Variants in SCAPER observed in about 807,000 individuals in gnomAD.
SCAPER encodes S phase cyclin A-associated protein in the endoplasmic reticulum.
Under a neutral mutation model 182.2 loss-of-function variants are expected in SCAPER, and 98 were observed. The observed-to-expected ratio is 0.54, with a 90% CI of 0.46 to 0.64. The LOEUF (loss-of-function observed/expected upper bound fraction) is 0.64, where lower values mean the gene tolerates loss of function less well. SCAPER is among the 30% of genes least tolerant of loss of function. The probability of loss-of-function intolerance (pLI) is 0.00; values close to 1 mark genes in which losing one functional copy is unlikely to be tolerated. For synonymous variants in SCAPER, 605 were observed against 564.6 expected (o/e 1.07, Z -1.01); for missense variants, 1,432 against 1,690.0 (o/e 0.85, Z 2.68).
chr15:76,745,836 G>A (rs931133802), intron 15 of SCAPER, among the ~76,000 whole-genome samples: 5 of 152,188 alleles, frequency 3.3e-5, no homozygotes, highest in Non-Finnish European at 1.5e-5. Flanking sequence ...TAAGTACAGT[G>A]ATAAAATCAA....
intron 21 of SCAPER, among the ~76,000 whole-genome samples, chr15:76,623,311 T>A (rs1370931803): frequency 1.3e-5 from 2 of 152,236 alleles, no homozygotes; most frequent in Non-Finnish European, 2.9e-5. Context: ...AGTCATAAAT[T>A]CATTGCCAAG....
intron 26 of SCAPER, among the ~76,000 whole-genome samples, chr15:76,414,725 C>T (rs745422896): frequency 7.6e-5 from 10 of 132,134 alleles, no homozygotes; most frequent in African/African-American, 1.1e-4. Context: ...AACAGTCTAA[C>T]GGAGTTTCAA....
intron 17 of SCAPER, among the ~76,000 whole-genome samples, chr15:76,723,890 T>C (rs764884748): frequency 6.6e-6 from 1 of 152,222 alleles, no homozygotes; most frequent in Non-Finnish European, 1.5e-5. Flanking sequence ...TGCCAGTCTG[T>C]GACTTTTAAT....
intron 17 of SCAPER, among the ~76,000 whole-genome samples, chr15:76,725,101 C>G (rs781366922): frequency 1.3e-5 from 2 of 151,914 alleles, no homozygotes; most frequent in Non-Finnish European, 2.9e-5. Flanking sequence ...TTTCTAAACA[C>G]CAGCAACATA....
At chr15:76,382,279 T>C (rs1379799776) in intron 27 of SCAPER, among the ~76,000 whole-genome samples, 4 of 152,004 alleles carry the variant, frequency 2.6e-5, no homozygotes, top group Non-Finnish European at 4.4e-5. Flanking sequence ...CAGTGGCAAA[T>C]GAATTCCTAA....
intron 17 of SCAPER, among the ~76,000 whole-genome samples, chr15:76,724,978 T>C (rs575375514): frequency 1.3e-5 from 2 of 152,232 alleles, no homozygotes; most frequent in African/African-American, 2.4e-5. Flanking sequence ...AGGAGCTGCA[T>C]TCCTCAGTTG....
intron 29 of SCAPER, among the ~76,000 whole-genome samples, chr15:76,370,291 A>ATTTTTTTTTTTTTTTTTTTTTTTTTTTT (rs10524497): frequency 8.4e-6 from 1 of 119,460 alleles, no homozygotes. Flanking sequence ...TACCATTTCA[A>ATTTTTTTTTTTTTTTTTTTTTTTTTTTT]TTTTTTTTTT....
At chr15:76,704,380 G>T (rs1161540057) in intron 18 of SCAPER, among the ~76,000 whole-genome samples, 1 of 152,110 alleles carries the variant, frequency 6.6e-6, no homozygotes, top group Non-Finnish European at 1.5e-5. Flanking sequence ...TGGTGTTTTA[G>T]ACATGAAGTC....
chr15:76,717,385 C>T (rs1316551242), intron 17 of SCAPER, among the ~76,000 whole-genome samples: 1 of 152,082 alleles, frequency 6.6e-6, no homozygotes, highest in African/African-American at 2.4e-5. Context: ...AATCAGAATA[C>T]TTCGAAACTG....
At chr15:76,373,425 T>G (rs1453616511) in intron 29 of SCAPER, among the ~76,000 whole-genome samples, 1 of 152,144 alleles carries the variant, frequency 6.6e-6, no homozygotes, top group African/African-American at 2.4e-5. Context: ...ATAGGTTGAA[T>G]GGATGCACAT....
intron 27 of SCAPER, among the ~76,000 whole-genome samples, chr15:76,388,263 G>A (rs576621984): frequency 4.3e-4 from 66 of 152,260 alleles, no homozygotes; most frequent in Admixed American, 2.4e-3. Flanking sequence ...CGGGAGACAC[G>A]TTACTAGAAA....
At chr15:76,576,684 C>T (rs553101096) in intron 22 of SCAPER, among the ~76,000 whole-genome samples, 6 of 152,194 alleles carry the variant, frequency 3.9e-5, no homozygotes, top group Admixed American at 6.5e-5. Flanking sequence ...TGATGCCACC[C>T]CTCCCTCCTA....
intron 23 of SCAPER, among the ~76,000 whole-genome samples, chr15:76,561,306 T>C (rs747266661): frequency 2.0e-5 from 3 of 152,204 alleles, no homozygotes; most frequent in Admixed American, 6.5e-5. Context: ...ATGGTCCTAC[T>C]TCTGGTTCTC....
At position 76,667,625 on chromosome 15, in the gene SCAPER, C is replaced by CAAAAAAAAAAAAAAAAAAAAA. The variant is rs775463270; in HGVS notation, c.2509-1857_2509-1837dup. On this transcript the variant is annotated intron_variant, in intron 20 of 31. Coordinates refer to ENST00000563290, the MANE Select transcript of SCAPER (RefSeq NM_020843.4). ...GGGCAACAAGAGCGAGACTCAGTCT[C>CAAAAAAAAAAAAAAAAAAAAA]AAAAAAAAAAAAAAAAAAAAAAAAA... 2.5e-4 allele frequency among the ~76,000 whole-genome samples: 7 copies of CAAAAAAAAAAAAAAAAAAAAA among 27,474 alleles called. 3 individuals carry two copies. Among genetic ancestry groups the CAAAAAAAAAAAAAAAAAAAAA allele is most frequent in the Non-Finnish European group, 3.9e-4 (6 of 15,342 alleles). 18.0% of individuals were successfully genotyped at this position (27,474 alleles called of 152,430 possible).
In SCAPER at chr15:76,636,764, A is replaced by G. The variant is rs549891497; in HGVS notation, c.2646-14935T>C. Among the ~76,000 whole-genome samples the G allele has an allele frequency of 3.3e-5, 5 of 152,232 alleles. No homozygotes were observed. The South Asian group carries it at 1.0e-3, about 32-fold the overall frequency. ...TTCAGTTAAATTTACTTGATTAAGCATTTTCTTGATTTCAGTGGCCTTTTG... is the reference window on the plus strand; with the variant it reads ...TTCAGTTAAATTTACTTGATTAAGCGTTTTCTTGATTTCAGTGGCCTTTTG... On this transcript the variant is annotated intron_variant, in intron 21 of 31. Transcript: ENST00000563290.
chr15:76,603,329 A>G (rs1365182775), intron 22 of SCAPER, among the ~76,000 whole-genome samples: 2 of 119,500 alleles, frequency 1.7e-5, no homozygotes, highest in East Asian at 2.3e-4. Flanking sequence ...ATGATTTCCA[A>G]TTTCATCCAT....
In SCAPER at chr15:76,652,276, ATATATAT is replaced by A. The variant is rs1457597598; in HGVS notation, c.2645+13370_2645+13376del. Among the ~76,000 whole-genome samples the A allele has an allele frequency of 9.0e-3, 89 of 9,846 alleles. 16 individuals are homozygous for A. The highest frequency in any genetic ancestry group is 0.012 in the Non-Finnish European group (69 of 5,766). 6.5% of individuals were successfully genotyped at this position (9,846 alleles called of 152,430 possible). A position where few individuals can be genotyped will look rare whatever the true frequency, so the allele number is the denominator to read the frequency against. ...TCTGCTAAAAAAAAAAAAAAAAAAT[ATATATAT>A]ATATATATATATATATATATATATA... On this transcript the variant is annotated intron_variant, in intron 21 of 31. Coordinates refer to ENST00000563290, the MANE Select transcript of SCAPER (RefSeq NM_020843.4).
intron 20 of SCAPER, among the ~76,000 whole-genome samples, chr15:76,697,726 G>A (rs901526626): frequency 3.3e-5 from 5 of 151,860 alleles, no homozygotes; most frequent in East Asian, 3.9e-4. Context: ...TGCAACCTCC[G>A]GCTTCTGTGT....
chr15:76,864,830 A>G (rs1265854050), intron 2 of SCAPER, among the ~76,000 whole-genome samples: 1 of 152,212 alleles, frequency 6.6e-6, no homozygotes, highest in East Asian at 1.9e-4. Flanking sequence ...GCCAACTGTG[A>G]GATAAACAGA....
Sources: allele counts gnomAD v4.1 joint callset (sites outside exome capture counted in the v4.1 genomes callset), GRCh38; gene constraint gnomAD v4.1.1; transcripts MANE v1.5; gene names NCBI Gene and HGNC (gene_info 2026-07-23, HGNC 2026-07-21).